Variants in NDST4 observed in about 807,000 individuals in gnomAD.
The protein encoded by NDST4 is N-deacetylase and N-sulfotransferase 4.
In NDST4, 63 loss-of-function variants were observed where a neutral mutation model predicts 100.8. The observed-to-expected ratio is 0.62, with a 90% CI of 0.51 to 0.77. The LOEUF (loss-of-function observed/expected upper bound fraction) is 0.77, where lower values mean the gene tolerates loss of function less well. Among genes scored for constraint, NDST4 ranks in the 30% least tolerant of loss-of-function variants. The pLI is 0.00. For missense variants in NDST4, 943 were observed against 1,018.4 expected, an observed-to-expected ratio of 0.93 and a Z score of 1.01; for synonymous variants, 377 against 361.8, an observed-to-expected ratio of 1.04 and a Z score of -0.48.
intron 7 of NDST4, among the ~76,000 whole-genome samples, chr4:114,865,883 A>T (rs1375593756): frequency 6.6e-6 from 1 of 152,210 alleles, no homozygotes; most frequent in East Asian, 1.9e-4. Context: ...AATCAAAATC[A>T]TGAGAAATTA....
chr4:115,047,371 C>T (rs1442495586), intron 2 of NDST4, among the ~76,000 whole-genome samples: 1 of 152,074 alleles, frequency 6.6e-6, no homozygotes, highest in Admixed American at 6.6e-5. Flanking sequence ...ACCAGACAGA[C>T]AGGCACACAT....
At chr4:115,022,417 T>G (rs1404572722) in intron 2 of NDST4, among the ~76,000 whole-genome samples, 5 of 121,714 alleles carry the variant, frequency 4.1e-5, no homozygotes, top group African/African-American at 1.1e-4. Context: ...ATATATGTGT[T>G]CCATATATAT....
intron 2 of NDST4, among the ~76,000 whole-genome samples, chr4:115,051,929 T>G (rs184632520): frequency 6.6e-6 from 1 of 152,264 alleles, no homozygotes; most frequent in East Asian, 1.9e-4. Context: ...AAAGTTTCAA[T>G]GAAAAATATT....
chr4:115,048,365 A>G (rs960499509), intron 2 of NDST4, among the ~76,000 whole-genome samples: 8 of 152,124 alleles, frequency 5.3e-5, no homozygotes, highest in Admixed American at 1.3e-4. Context: ...CTTCTTTTTC[A>G]TATGTCAAAT....
intron 3 of NDST4, among the ~76,000 whole-genome samples, chr4:114,970,911 G>A (rs1726500207): frequency 6.6e-6 from 1 of 151,852 alleles, no homozygotes; most frequent in Middle Eastern, 3.4e-3. Context: ...AAATGTTAAG[G>A]GTAATTCTCA....
At chr4:114,893,952 C>A (rs376373238) in intron 6 of NDST4, among the ~76,000 whole-genome samples, 3 of 152,118 alleles carry the variant, frequency 2.0e-5, no homozygotes, top group Admixed American at 6.5e-5. Context: ...CAGTTTTCTG[C>A]GTATGGCTAG....
intron 2 of NDST4, among the ~76,000 whole-genome samples, chr4:115,018,324 A>C (rs1013336572): frequency 1.3e-5 from 2 of 151,996 alleles, no homozygotes; most frequent in Non-Finnish European, 2.9e-5. Context: ...GAATAGAGTT[A>C]AAATTCTCAG....
chr4:114,986,165 T>G (rs1173155756), intron 2 of NDST4, among the ~76,000 whole-genome samples: 3 of 152,180 alleles, frequency 2.0e-5, no homozygotes, highest in Non-Finnish European at 2.9e-5. Flanking sequence ...CCTTATAAAA[T>G]AATATTAAAT....
At chr4:114,840,437 C>A (rs1438884035) in intron 10 of NDST4, among the ~76,000 whole-genome samples, 1 of 151,814 alleles carries the variant, frequency 6.6e-6, no homozygotes, top group Non-Finnish European at 1.5e-5. Context: ...GTGTGGGAGA[C>A]AATAGATTGG....
intron 6 of NDST4, among the ~76,000 whole-genome samples, chr4:114,929,559 A>G (rs1725469339): frequency 6.6e-6 from 1 of 152,184 alleles, no homozygotes; most frequent in Non-Finnish European, 1.5e-5. Context: ...CAAAGCAAGT[A>G]TAGTTTGTGA....
intron 8 of NDST4, among the ~76,000 whole-genome samples, chr4:114,852,115 T>C (rs777205998): frequency 5.9e-5 from 9 of 152,174 alleles, no homozygotes; most frequent in Non-Finnish European, 1.3e-4. Context: ...ATTGGTGAAA[T>C]GCTTTCACTC....
At chr4:114,903,520 G>A (rs1329823690) in intron 6 of NDST4, among the ~76,000 whole-genome samples, 2 of 151,924 alleles carry the variant, frequency 1.3e-5, no homozygotes, top group African/African-American at 4.8e-5. Context: ...TTCCCACGGA[G>A]ATTTCTGCTT....
chr4:114,866,538 C>T (rs1440302711), intron 7 of NDST4, among the ~76,000 whole-genome samples: 16 of 152,276 alleles, frequency 1.1e-4, no homozygotes. Context: ...GTTCTTTGTA[C>T]ACACAGCCCT....
intron 11 of NDST4, 116 bp from the exon 12 acceptor site, chr4:114,833,831 AT>A: frequency 1.6e-6 from 1 of 619,274 alleles, no homozygotes; most frequent in Non-Finnish European, 2.8e-6. Flanking sequence ...TAGGAAGCAA[AT>A]ATGCCCTACT....
intron 4 of NDST4, among the ~76,000 whole-genome samples, chr4:114,967,257 C>A (rs970845985): frequency 6.6e-6 from 1 of 152,056 alleles, no homozygotes; most frequent in Non-Finnish European, 1.5e-5. Flanking sequence ...AGGACAGTGT[C>A]ATTTCAGTAT....
At chr4:115,004,401 T>C (rs1019002586) in intron 2 of NDST4, among the ~76,000 whole-genome samples, 2 of 152,208 alleles carry the variant, frequency 1.3e-5, no homozygotes, top group African/African-American at 4.8e-5. Flanking sequence ...TCAGTTTTCA[T>C]CCCTATGGGA....
intron 1 of NDST4, among the ~76,000 whole-genome samples, chr4:115,112,209 A>T (rs1158528452): frequency 6.6e-6 from 1 of 151,714 alleles, no homozygotes; most frequent in Non-Finnish European, 1.5e-5. Flanking sequence ...TGAAAAAAAA[A>T]AAAAAACCTT....
At chr4:114,883,683 G>C (rs1724419916) in intron 6 of NDST4, among the ~76,000 whole-genome samples, 2 of 151,994 alleles carry the variant, frequency 1.3e-5, no homozygotes, top group African/African-American at 4.8e-5. Context: ...CTATAACAGT[G>C]GTCCCCAACT....
Position 115,026,105 on chromosome 4 carries a change from C to G in NDST4, c.979-48831G>C, listed in dbSNP as rs1163741266. On this transcript the variant is annotated intron_variant, in intron 2 of 13. Transcript: ENST00000264363. ...GAATAATTAAGCTATATTCCCCTTT[C>G]AACTCCTTATGTTGCAGTTTTCCAT... is the stretch of plus-strand genomic sequence containing the variant. Among the ~76,000 whole-genome samples the G allele has an allele frequency of 2.6e-5, 4 of 152,196 alleles. No individual in the cohort carries two copies. The South Asian group carries it at 8.3e-4, about 32-fold the overall frequency.
Sources: allele counts gnomAD v4.1 joint callset (sites outside exome capture counted in the v4.1 genomes callset), GRCh38; gene constraint gnomAD v4.1.1; transcripts MANE v1.5; gene names NCBI Gene and HGNC (gene_info 2026-07-23, HGNC 2026-07-21).